The following ASB17 variants were observed in gnomAD, a reference collection of about 807,000 sequenced individuals.
ASB17 encodes the protein ankyrin repeat and SOCS box protein 17.
Under a neutral mutation model 25.7 loss-of-function variants are expected in ASB17, and 26 were observed. The ratio of observed to expected loss-of-function variants is 1.01; its 90% CI spans 0.74 to 1.40. ASB17 has a LOEUF of 1.40. ASB17 is among the 40% of genes most tolerant of loss of function. The pLI is 0.00. For missense variants in ASB17, 326 were observed against 338.5 expected, an observed-to-expected ratio of 0.96 and a Z score of 0.29; for synonymous variants, 128 against 121.4, an observed-to-expected ratio of 1.05 and a Z score of -0.36.
intron 2 of ASB17, among the ~76,000 whole-genome samples, chr1:75,921,009 C>T (rs1222657417): frequency 1.3e-5 from 2 of 151,938 alleles, no homozygotes; most frequent in African/African-American, 2.4e-5. Flanking sequence ...CTCCTGACCT[C>T]GTGATCCGCC....
At chr1:75,924,809 C>CT (rs112749633) in intron 1 of ASB17, among the ~76,000 whole-genome samples, 60 of 150,360 alleles carry the variant, frequency 4.0e-4, no homozygotes, top group African/African-American at 1.0e-3. Flanking sequence ...TCTCCCCTGC[C>CT]TTTTTTTTTC....
rs573674226 is a variant in ASB17 at position 75,929,823 on chromosome 1, T to C, written c.401+2068A>G. ...GAAAAAGAAATGATTGGGATATGTT[T>C]TGGAGATAACAGGACTTACTGATGT... is the stretch of plus-strand genomic sequence containing the variant. On this transcript the variant is annotated intron_variant, in intron 1 of 2. Transcript: ENST00000284142. Among the ~76,000 whole-genome samples, 11 of 152,132 alleles carry C rather than the reference T, an allele frequency of 7.2e-5. 1 individual carries two copies. In the South Asian group the frequency reaches 2.1e-3, roughly 29 times the overall value.
intron 1 of ASB17, among the ~76,000 whole-genome samples, chr1:75,927,441 T>C (rs1197895071): frequency 2.0e-5 from 3 of 152,170 alleles, no homozygotes; most frequent in Non-Finnish European, 4.4e-5. Flanking sequence ...TCTAAAAATC[T>C]CTCTCCTTTC....
intron 1 of ASB17, among the ~76,000 whole-genome samples, chr1:75,925,472 A>T (rs1653146888): frequency 6.6e-6 from 1 of 152,072 alleles, no homozygotes; most frequent in Non-Finnish European, 1.5e-5. Context: ...CATGACTAAA[A>T]CCCAAATAGG....
At chr1:75,929,264 G>A (rs1005255183) in intron 1 of ASB17, among the ~76,000 whole-genome samples, 5 of 150,790 alleles carry the variant, frequency 3.3e-5, no homozygotes, top group African/African-American at 1.2e-4. Context: ...TCGCTCTGTC[G>A]CCCAGGTTGG....
Position 75,919,088 on chromosome 1 carries a change from T to C in ASB17, c.752A>G (p.Lys251Arg). ...WFDYIPSTRY[K>R]DPCELLHLCR... Reference sequence around the variant, plus strand: ...AAGATGTAATAGTTCACATGGATCTTTGTATCTTGTTGAAGGAATGTAATC... The same window carrying C: ...AAGATGTAATAGTTCACATGGATCTCTGTATCTTGTTGAAGGAATGTAATC... Residue 251 changes from lysine (K) to arginine (R), a missense_variant, in exon 3 of 3, where the codon AAA (lysine) becomes AGA (arginine). Physicochemically the swap from Lys to Arg is conservative, Grantham distance 26 (BLOSUM62 2). Coordinates refer to ENST00000284142, the MANE Select transcript of ASB17 (RefSeq NM_080868.3). The C allele has an allele frequency of 6.2e-7, 1 of 1,612,982 alleles. No individual in the cohort carries two copies. Among genetic ancestry groups the C allele is most frequent in the Non-Finnish European group, 8.5e-7 (1 of 1,179,230 alleles).
chr1:75,925,886 A>G (rs1255205175), intron 1 of ASB17, among the ~76,000 whole-genome samples: 1 of 152,102 alleles, frequency 6.6e-6, no homozygotes, highest in Non-Finnish European at 1.5e-5. Context: ...ACTTTCTTAA[A>G]ACTATGTTTT....
chr1:75,919,910 G>T (rs1343361534), intron 2 of ASB17, among the ~76,000 whole-genome samples: 2 of 152,152 alleles, frequency 1.3e-5, no homozygotes, highest in Non-Finnish European at 2.9e-5. Flanking sequence ...CCAGTAATGG[G>T]ATGGCTGGGT....
intron 1 of ASB17, among the ~76,000 whole-genome samples, chr1:75,928,313 A>C: frequency 6.6e-6 from 1 of 152,258 alleles, no homozygotes; most frequent in East Asian, 1.9e-4. Context: ...AATAAATAAC[A>C]TAGTGTCTGG....
At chr1:75,921,238 A>G (rs1472679979) in intron 2 of ASB17, among the ~76,000 whole-genome samples, 1 of 152,230 alleles carries the variant, frequency 6.6e-6, no homozygotes, top group African/African-American at 2.4e-5. Context: ...TGGGCTGCCA[A>G]AATAATTTGA....
chr1:75,920,451 G>T (rs1208909250), intron 2 of ASB17, among the ~76,000 whole-genome samples: 3 of 152,150 alleles, frequency 2.0e-5, no homozygotes, highest in Non-Finnish European at 4.4e-5. Context: ...AGGTGCTTGG[G>T]ATAATTTGCT....
chr1:75,924,883 T>C (rs970498825), intron 1 of ASB17, among the ~76,000 whole-genome samples: 1 of 152,082 alleles, frequency 6.6e-6, no homozygotes, highest in Non-Finnish European at 1.5e-5. Flanking sequence ...TTGTGAACTC[T>C]TCTTTGATTA....
chr1:75,931,750 G>T, intron 1 of ASB17, 141 bp downstream of exon 1: 1 of 627,226 alleles, frequency 1.6e-6, no homozygotes, highest in Non-Finnish European at 2.6e-6. Flanking sequence ...GTGAAGGAGT[G>T]AACACGTGGT....
chr1:75,926,577 A>C (rs970029597), intron 1 of ASB17, among the ~76,000 whole-genome samples: 1 of 152,136 alleles, frequency 6.6e-6, no homozygotes, highest in Non-Finnish European at 1.5e-5. Flanking sequence ...TTCACCTTTT[A>C]CTCTAAACCA....
At chr1:75,929,145 GA>G (rs1402185579) in intron 1 of ASB17, among the ~76,000 whole-genome samples, 2 of 152,198 alleles carry the variant, frequency 1.3e-5, no homozygotes, top group African/African-American at 4.8e-5. Flanking sequence ...TCAAAAGGGA[GA>G]GTAATACAAG....
chr1:75,924,684 C>T (rs915913513), intron 1 of ASB17, among the ~76,000 whole-genome samples: 3 of 152,036 alleles, frequency 2.0e-5, no homozygotes, highest in Non-Finnish European at 4.4e-5. Context: ...ATACTTCCAA[C>T]GCATGGAGAA....
chr1:75,924,319 C>A (rs189940688), intron 1 of ASB17, among the ~76,000 whole-genome samples: 5 of 152,062 alleles, frequency 3.3e-5, no homozygotes, highest in African/African-American at 9.7e-5. Context: ...GCCCTTACCC[C>A]CTGCTGGATC....
intron 1 of ASB17, among the ~76,000 whole-genome samples, chr1:75,931,404 A>T (rs1653317935): frequency 6.6e-6 from 1 of 152,160 alleles, no homozygotes; most frequent in South Asian, 2.1e-4. Flanking sequence ...CAGGTACTTG[A>T]CCTTCATTGT....
chr1:75,920,272 T>C (rs1168166146), intron 2 of ASB17, among the ~76,000 whole-genome samples: 1 of 152,228 alleles, frequency 6.6e-6, no homozygotes, highest in Non-Finnish European at 1.5e-5. Context: ...ACGGATCAAA[T>C]GTTAATAGAT....
Sources: gnomAD v4.1 joint callset for allele counts (sites outside exome capture counted in the v4.1 genomes callset) on GRCh38, gnomAD v4.1.1 for gene constraint, MANE v1.5 for transcripts, NCBI Gene and HGNC (gene_info 2026-07-23, HGNC 2026-07-21) for gene names.